PTPRA: variants seen among roughly 807,000 people sequenced by gnomAD.
The protein encoded by PTPRA is protein tyrosine phosphatase receptor type A.
Under a neutral mutation model 104.8 loss-of-function variants are expected in PTPRA, and 25 were observed. That is an observed-to-expected ratio of 0.24 (90% CI 0.17 to 0.33). PTPRA has a LOEUF of 0.33. Ranked by LOEUF, PTPRA falls within the 10% of genes least tolerant of loss-of-function variation. The pLI is 1.00. For synonymous variants in PTPRA, 323 were observed against 368.9 expected (o/e 0.88, Z 1.43); for missense variants, 765 against 1,015.3 (o/e 0.75, Z 3.35).
intron 3 of PTPRA, among the ~76,000 whole-genome samples, chr20:2,958,269 TG>T (rs1236558028): frequency 6.6e-6 from 1 of 152,036 alleles, no homozygotes; most frequent in East Asian, 1.9e-4. Flanking sequence ...TTATTCAGTA[TG>T]GGGGCTTTTC....
At chr20:2,998,517 G>A (rs781238481) in intron 9 of PTPRA, among the ~76,000 whole-genome samples, 2 of 152,180 alleles carry the variant, frequency 1.3e-5, no homozygotes, top group Non-Finnish European at 2.9e-5. Flanking sequence ...GGGAGTTTGC[G>A]TTTTGCAAGG....
chr20:2,969,344 T>C (rs2062070638), intron 5 of PTPRA, among the ~76,000 whole-genome samples: 2 of 151,158 alleles, frequency 1.3e-5, no homozygotes, highest in Admixed American at 1.3e-4. Flanking sequence ...GCCTTCAGGG[T>C]TCAAACAATT....
At chr20:2,921,289 T>C (rs976627954) in intron 1 of PTPRA, among the ~76,000 whole-genome samples, 4 of 151,684 alleles carry the variant, frequency 2.6e-5, no homozygotes, top group Non-Finnish European at 5.9e-5. Flanking sequence ...GCCCATTGTC[T>C]GATCTTTTAT....
At chr20:3,009,479 G>A (rs2064052110) in intron 11 of PTPRA, among the ~76,000 whole-genome samples, 1 of 152,206 alleles carries the variant, frequency 6.6e-6, no homozygotes, top group Admixed American at 6.5e-5. Flanking sequence ...TGGAGATCTT[G>A]AGAAAGTGAA....
chr20:2,936,401 A>G (rs1384336049), intron 2 of PTPRA, among the ~76,000 whole-genome samples: 2 of 148,596 alleles, frequency 1.3e-5, no homozygotes, highest in African/African-American at 2.5e-5. Context: ...GGGCTCAAGC[A>G]GTATGCCTGC....
At chr20:2,999,602 G>A (rs2063544232) in intron 9 of PTPRA, among the ~76,000 whole-genome samples, 1 of 152,164 alleles carries the variant, frequency 6.6e-6, no homozygotes, top group Admixed American at 6.5e-5. Context: ...CAGTTTGGGT[G>A]GGGAAAAGAT....
At position 3,038,319 on chromosome 20, in the gene PTPRA, A is replaced by G. The variant is rs188842037; in HGVS notation, c.*186A>G. ...GTTAGCACTGATAGTCCTTTTTCCA[A>G]TGTTTTATTGGGGAATTAAATAGTG... On this transcript the variant is annotated 3_prime_UTR_variant, in exon 24 of 24. Coordinates refer to ENST00000399903, the MANE Select transcript of PTPRA (RefSeq NM_001385305.1). The G allele has an allele frequency of 6.5e-4, 354 of 548,720 alleles. No individual in the cohort carries two copies. Among genetic ancestry groups the G allele is most frequent in the Middle Eastern group, 3.0e-3 (6 of 2,022 alleles). The allele number at this position is 548,720 out of a possible 1,614,324, so 34.0% of individuals were successfully genotyped here.
Position 2,923,723 on chromosome 20 carries a change from C to T in PTPRA, c.-50+438C>T, listed in dbSNP as rs1318804875. On this transcript the variant is annotated intron_variant, in intron 2 of 23. Coordinates refer to ENST00000399903, the MANE Select transcript of PTPRA (RefSeq NM_001385305.1). ...CTGAAGCAGGAGGATCCCTTGAACC[C>T]AGGAGACAGAGGTTGCAGTGAGCTG... Among the ~76,000 whole-genome samples the T allele has an allele frequency of 3.9e-5, 6 of 152,104 alleles. No individual in the cohort carries two copies. The East Asian group carries it at 1.2e-3, about 29-fold the overall frequency.
chr20:3,027,032 G>C lies in PTPRA; in HGVS notation c.1709-89G>C, dbSNP rs572475500. 860 of 1,367,244 alleles carry C rather than the reference G, an allele frequency of 6.3e-4. 12 individuals are homozygous for C. The South Asian group carries it at 9.9e-3, about 16-fold the overall frequency. 84.7% of individuals were successfully genotyped at this position (1,367,244 alleles called of 1,614,324 possible). On this transcript the variant is annotated intron_variant, in intron 18 of 23. Coordinates refer to ENST00000399903, the MANE Select transcript of PTPRA (RefSeq NM_001385305.1). ...CATGTCCTTGCCCAGCTGGGATTCT[G>C]TCTGCCCAGGGCCTGAGGTGGGAGC... is the stretch of plus-strand genomic sequence containing the variant.
intron 8 of PTPRA, 68 bp downstream of exon 8, chr20:2,988,173 C>T (rs2062988063): frequency 1.3e-6 from 2 of 1,522,292 alleles, no homozygotes; most frequent in Admixed American, 1.8e-5. Flanking sequence ...GGAGTTTCTC[C>T]ATCCTTTTAA....
At chr20:2,948,754 A>T (rs974691613) in intron 3 of PTPRA, among the ~76,000 whole-genome samples, 1 of 151,824 alleles carries the variant, frequency 6.6e-6, no homozygotes, top group Non-Finnish European at 1.5e-5. Flanking sequence ...GATCAAGACC[A>T]TCCTGGCTAA....
chr20:3,002,988 A>T (rs951433962), intron 9 of PTPRA, among the ~76,000 whole-genome samples: 1 of 152,188 alleles, frequency 6.6e-6, no homozygotes, highest in Admixed American at 6.5e-5. Flanking sequence ...GTTACCACAG[A>T]TGCTGTTCTC....
At chr20:3,013,086 T>A (rs1354666584) in intron 11 of PTPRA, among the ~76,000 whole-genome samples, 1 of 152,138 alleles carries the variant, frequency 6.6e-6, no homozygotes, top group Admixed American at 6.6e-5. Context: ...GCCCCCTTAG[T>A]TTTAGAACAC....
intron 1 of PTPRA, among the ~76,000 whole-genome samples, chr20:2,882,243 T>C (rs1444429863): frequency 1.3e-5 from 2 of 151,848 alleles, no homozygotes; most frequent in Non-Finnish European, 2.9e-5. Context: ...CAGAAGCTTC[T>C]AGCATGTCTC....
At chr20:2,938,607 C>G (rs1308034713) in intron 2 of PTPRA, among the ~76,000 whole-genome samples, 2 of 151,924 alleles carry the variant, frequency 1.3e-5, no homozygotes, top group Non-Finnish European at 2.9e-5. Flanking sequence ...GACTTTGAAA[C>G]TGTGTTCATT....
intron 3 of PTPRA, among the ~76,000 whole-genome samples, chr20:2,955,392 G>T (rs544525838): frequency 6.6e-6 from 1 of 152,282 alleles, no homozygotes; most frequent in Admixed American, 6.5e-5. Flanking sequence ...TCTTGTTTTA[G>T]GTGGAACTTA....
At chr20:2,969,203 ACT>A (rs1259022685) in intron 5 of PTPRA, among the ~76,000 whole-genome samples, 1 of 149,450 alleles carries the variant, frequency 6.7e-6, no homozygotes, top group Non-Finnish European at 1.5e-5. Flanking sequence ...GAGACCCGAG[ACT>A]CTATCTCAAA....
intron 20 of PTPRA, among the ~76,000 whole-genome samples, chr20:3,030,368 A>C (rs2065375507): frequency 6.6e-6 from 1 of 152,206 alleles, no homozygotes; most frequent in South Asian, 2.1e-4. Flanking sequence ...TGAAGCAGAC[A>C]GTAGTGCTTG....
chr20:2,924,957 G>A (rs1004694887), intron 2 of PTPRA, among the ~76,000 whole-genome samples: 2 of 152,122 alleles, frequency 1.3e-5, no homozygotes, highest in Admixed American at 1.3e-4. Flanking sequence ...GGGATTACAG[G>A]CATGAGCCAC....
Sources: allele counts gnomAD v4.1 joint callset (sites outside exome capture counted in the v4.1 genomes callset), GRCh38; gene constraint gnomAD v4.1.1; transcripts MANE v1.5; gene names NCBI Gene and HGNC (gene_info 2026-07-23, HGNC 2026-07-21).